ARSK: variants seen among roughly 807,000 people sequenced by gnomAD.
The protein encoded by ARSK is arylsulfatase K.
ARSK carries 37 observed loss-of-function variants against 53.2 expected under a neutral mutation model. The observed-to-expected ratio is 0.70, with a 90% confidence interval of 0.54 to 0.92. ARSK has a LOEUF of 0.92. Among genes scored for constraint, ARSK ranks in the 40% least tolerant of loss-of-function variants. The pLI, the probability that ARSK is intolerant of heterozygous loss-of-function variation, is 0.00. For missense variants in ARSK, 613 were observed against 643.0 expected (o/e 0.95, Z 0.51); for synonymous variants, 208 against 223.2 (o/e 0.93, Z 0.61).
intron 2 of ARSK, among the ~76,000 whole-genome samples, chr5:95,566,610 T>A (rs1445822054): frequency 6.6e-6 from 1 of 152,218 alleles, no homozygotes; most frequent in Non-Finnish European, 1.5e-5. Flanking sequence ...CAATTCACTT[T>A]TATCCCAAGT....
chr5:95,584,106 C>G (rs1749067853), intron 4 of ARSK, among the ~76,000 whole-genome samples: 1 of 152,180 alleles, frequency 6.6e-6, no homozygotes, highest in African/African-American at 2.4e-5. Flanking sequence ...CCAGCCTTGT[C>G]ACTTTTCCTT....
intron 6 of ARSK, among the ~76,000 whole-genome samples, chr5:95,592,922 A>G (rs886952775): frequency 2.0e-5 from 3 of 152,148 alleles, no homozygotes; most frequent in Non-Finnish European, 2.9e-5. Context: ...AGTAATGATC[A>G]CACTCAGCCA....
At chr5:95,567,491 A>T (rs1748743979) in intron 2 of ARSK, among the ~76,000 whole-genome samples, 1 of 152,224 alleles carries the variant, frequency 6.6e-6, no homozygotes, top group Non-Finnish European at 1.5e-5. Flanking sequence ...GACAGGGAAT[A>T]AGGGAAGATC....
intron 1 of ARSK, among the ~76,000 whole-genome samples, chr5:95,560,803 T>G (rs983220141): frequency 0.056 from 625 of 11,186 alleles, 4 homozygotes; most frequent in Non-Finnish European, 0.088. Context: ...GCAAAAGATC[T>G]TTTTTTTTTT....
chr5:95,588,956 G>T (rs1308047893), intron 5 of ARSK, among the ~76,000 whole-genome samples: 2 of 147,954 alleles, frequency 1.4e-5, no homozygotes, highest in South Asian at 2.1e-4. Flanking sequence ...GTGAGACTCC[G>T]TCTCAAAAAC....
At chr5:95,580,840 A>G (rs986110127) in intron 3 of ARSK, 1 of 1,085,456 alleles carries the variant, frequency 9.2e-7, no homozygotes, top group African/African-American at 1.6e-5. Flanking sequence ...CTTTATACTC[A>G]TGTTCTTCCT....
intron 7 of ARSK, among the ~76,000 whole-genome samples, chr5:95,602,359 T>G (rs1317886503): frequency 6.6e-6 from 1 of 152,214 alleles, no homozygotes; most frequent in Non-Finnish European, 1.5e-5. Flanking sequence ...AAAACTGATG[T>G]GACTATCAAA....
chr5:95,555,251 C>T lies in ARSK; in HGVS notation c.-28C>T, dbSNP rs112683194. 512 of 1,569,390 alleles carry T rather than the reference C, an allele frequency of 3.3e-4. 5 individuals carry two copies. In the African/African-American group the frequency reaches 5.7e-3, roughly 18 times the overall value. ...CGCCAGAGGGAGGCGGCTGGCCCGG[C>T]GGCAGGCTCTCAGAACCGCTACCGG... On this transcript the variant is annotated 5_prime_UTR_variant, in exon 1 of 8. Transcript: ENST00000380009. This position sits in a 1 kb window ranked among gnomAD's most constrained non-coding sequence, Gnocchi z 4.0.
intron 6 of ARSK, among the ~76,000 whole-genome samples, chr5:95,597,447 A>AACT (rs1291658851): frequency 6.6e-6 from 1 of 152,204 alleles, no homozygotes; most frequent in African/African-American, 2.4e-5. Flanking sequence ...GAAGTTGGCT[A>AACT]ACTACAGTAA....
At chr5:95,572,229 G>T (rs1304957721) in intron 3 of ARSK, among the ~76,000 whole-genome samples, 1 of 152,074 alleles carries the variant, frequency 6.6e-6, no homozygotes, top group Non-Finnish European at 1.5e-5. Context: ...AAGAGATACT[G>T]GTAGTATTAC....
At chr5:95,566,279 G>A in intron 2 of ARSK, 152 bp downstream of exon 2, 2 of 936,160 alleles carry the variant, frequency 2.1e-6, no homozygotes, top group Non-Finnish European at 3.1e-6. Flanking sequence ...GGTATATATT[G>A]GCTATTGGGG....
chr5:95,571,172 G>A (rs1042917731), intron 3 of ARSK, among the ~76,000 whole-genome samples: 1 of 152,210 alleles, frequency 6.6e-6, no homozygotes, highest in Non-Finnish European at 1.5e-5. Context: ...TTTTTAGAAT[G>A]TAAGCTTAAT....
At chr5:95,566,664 GT>G (rs2112416490) in intron 2 of ARSK, among the ~76,000 whole-genome samples, 1 of 152,270 alleles carries the variant, frequency 6.6e-6, no homozygotes, top group African/African-American at 2.4e-5. Context: ...AATAGGCATA[GT>G]TTTATTGGCA....
In ARSK at chr5:95,591,710, A is replaced by G. The variant is rs1048026028; in HGVS notation, c.1096+85A>G. The G allele has an allele frequency of 7.5e-6, 10 of 1,337,250 alleles. No individual in the cohort carries two copies. The East Asian group carries it at 2.3e-4, about 31-fold the overall frequency. 82.8% of individuals were successfully genotyped at this position (1,337,250 alleles called of 1,614,324 possible). A position where few individuals can be genotyped will look rare whatever the true frequency, so the allele number is the denominator to read the frequency against. Reference sequence around the variant, plus strand: ...TTGTCAGTGAGTCAGTCTTTCAGTTAGTAGTCAGAGGTCCTGCTGACTTGT... The same window carrying G: ...TTGTCAGTGAGTCAGTCTTTCAGTTGGTAGTCAGAGGTCCTGCTGACTTGT... On this transcript the variant is annotated intron_variant, in intron 6 of 7. Transcript: ENST00000380009.
At chr5:95,600,239 A>T (rs2112450358) in intron 6 of ARSK, among the ~76,000 whole-genome samples, 2 of 152,324 alleles carry the variant, frequency 1.3e-5, no homozygotes, top group South Asian at 4.1e-4. Context: ...TTGAGAATGT[A>T]AAAAGCTCTG....
chr5:95,579,154 A>C (rs541934492), intron 3 of ARSK, among the ~76,000 whole-genome samples: 1 of 152,180 alleles, frequency 6.6e-6, no homozygotes, highest in African/African-American at 2.4e-5. Context: ...ATTTCTGCAG[A>C]AAAAAATTCT....
chr5:95,591,313 T>C, intron 5 of ARSK, 88 bp from the exon 6 acceptor site: 4 of 1,116,672 alleles, frequency 3.6e-6, no homozygotes, highest in Non-Finnish European at 5.3e-6. Context: ...TGACAAACTC[T>C]TATAGGGTAG....
chr5:95,560,802 CTT>C (rs70978188), intron 1 of ARSK, among the ~76,000 whole-genome samples: 7,525 of 108,360 alleles, frequency 0.069, 203 homozygotes, highest in East Asian at 0.12. Context: ...GGCAAAAGAT[CTT>C]TTTTTTTTTT....
At chr5:95,587,777 G>A (rs904114118) in intron 5 of ARSK, among the ~76,000 whole-genome samples, 11 of 151,932 alleles carry the variant, frequency 7.2e-5, no homozygotes, top group Admixed American at 3.9e-4. Flanking sequence ...GTGGTGGCAC[G>A]CACGTGTGAT....
Sources: gnomAD v4.1 joint callset for allele counts (sites outside exome capture counted in the v4.1 genomes callset) on GRCh38, gnomAD v4.1.1 for gene constraint, Gnocchi (gnomAD v3.1) non-coding constraint, MANE v1.5 for transcripts, NCBI Gene and HGNC (gene_info 2026-07-23, HGNC 2026-07-21) for gene names.